CACNA1I: variants seen among roughly 807,000 people sequenced by gnomAD.
CACNA1I encodes the protein calcium voltage-gated channel subunit alpha1 I.
In CACNA1I, 74 loss-of-function variants were observed where a neutral mutation model predicts 201.6. That is an observed-to-expected ratio of 0.37 (90% CI 0.30 to 0.45). The LOEUF is 0.45. CACNA1I is among the 20% of genes least tolerant of loss of function. CACNA1I has a pLI of 1.00. For synonymous variants in CACNA1I, 1,431 were observed against 1,345.2 expected (o/e 1.06, Z -1.40); for missense variants, 2,346 against 3,138.1 (o/e 0.75, Z 6.03).
chr22:39,656,460 AC>A (rs1228762678), intron 10 of CACNA1I: 2 of 515,866 alleles, frequency 3.9e-6, no homozygotes, highest in Admixed American at 1.9e-5. Context: ...TCCCCTAGCC[AC>A]CCCCCACTTT....
intron 1 of CACNA1I, among the ~76,000 whole-genome samples, chr22:39,596,168 TGG>T (rs1219690401): frequency 3.8e-4 from 4 of 10,512 alleles, no homozygotes; most frequent in South Asian, 7.8e-3. Flanking sequence ...TGGAGAGAGA[TGG>T]GGGGGCAGGG....
Position 39,659,904 on chromosome 22 carries a change from G to A in CACNA1I, c.2604+52G>A. On this transcript the variant is annotated intron_variant, in intron 14 of 36. Coordinates refer to ENST00000402142, the MANE Select transcript of CACNA1I (RefSeq NM_021096.4). This position sits in a 1 kb window ranked among gnomAD's most constrained non-coding sequence, Gnocchi z 4.3. ...ACCCCCACAGGGTCTGCGAAAGACTGGGCGAGGGAGAGGTGGCCTGGATGG... is the reference window on the plus strand; with the variant it reads ...ACCCCCACAGGGTCTGCGAAAGACTAGGCGAGGGAGAGGTGGCCTGGATGG... 3 of 1,606,860 alleles carry A rather than the reference G, an allele frequency of 1.9e-6. No individual in the cohort carries two copies. The highest frequency in any genetic ancestry group is 2.6e-6 in the Non-Finnish European group (3 of 1,174,396).
rs1314465678 is a variant in CACNA1I at position 39,662,340 on chromosome 22, G to A, written c.3277G>A (p.Asp1093Asn). The stretch of plus-strand genomic sequence containing the variant: ...GGCAGGCCCGGCCCCCGGGCATGAG[G>A]ACTGCAATGGCAGGATGCCCAGCAT... Reference protein sequence around the residue: ...RAAGPAPGHEDCNGRMPSIAK... With the variant: ...RAAGPAPGHENCNGRMPSIAK... Residue 1093 changes from aspartate to asparagine, a missense_variant, in exon 17 of 37, where the codon GAC becomes AAC. Transcript: ENST00000402142. 6 of 1,486,832 alleles carry A rather than the reference G, an allele frequency of 4.0e-6. No homozygotes were observed. The highest frequency in any genetic ancestry group is 4.4e-6 in the Non-Finnish European group (5 of 1,126,674). The allele number at this position is 1,486,832 out of a possible 1,614,324, so 92.1% of individuals were successfully genotyped here.
intron 1 of CACNA1I, among the ~76,000 whole-genome samples, chr22:39,583,232 C>CCATA (rs1932637843): frequency 6.6e-6 from 1 of 151,916 alleles, no homozygotes; most frequent in African/African-American, 2.4e-5. Context: ...ATCCATCCAT[C>CCATA]CATCCATCCA....
chr22:39,666,009 G>T lies in CACNA1I; in HGVS notation c.4104+3G>T. The stretch of plus-strand genomic sequence containing the variant: ...ACAACTTCGACAACCTGGGCCAGGT[G>T]AGCACCACCGTCCTAGCCCTGATCA... On this transcript the variant is annotated splice_donor_region_variant and intron_variant, in intron 23 of 36. Coordinates refer to ENST00000402142, the MANE Select transcript of CACNA1I (RefSeq NM_021096.4). The surrounding 1 kb of genome is among the most constrained non-coding windows in gnomAD (Gnocchi z 4.1). The T allele has an allele frequency of 6.2e-7, 1 of 1,613,288 alleles. No homozygotes were observed. The highest frequency in any genetic ancestry group is 1.3e-5 in the African/African-American group (1 of 75,014).
At position 39,684,874 on chromosome 22, in the gene CACNA1I, G is replaced by C. The variant is rs5995768; in HGVS notation, c.6027+376G>C. The C allele has an allele frequency of 0.034, 16,283 of 473,494 alleles. 2,278 individuals are homozygous for C. The highest frequency in any genetic ancestry group is 0.29 in the African/African-American group (14,646 of 50,666). The allele number at this position is 473,494 out of a possible 1,614,324, so 29.3% of individuals were successfully genotyped here. A position where few individuals can be genotyped will look rare whatever the true frequency, so the allele number is the denominator to read the frequency against. On this transcript the variant is annotated intron_variant, in intron 36 of 36. Transcript: ENST00000402142. This position sits in a 1 kb window ranked among gnomAD's most constrained non-coding sequence, Gnocchi z 4.6. ...CTGGGTGCTCTGGGTGGGTGTGAGT[G>C]GGGGCTTGATTACTAGGAATGGAGG...
chr22:39,573,383 G>T (rs1569042300), intron 1 of CACNA1I, among the ~76,000 whole-genome samples: 1 of 152,156 alleles, frequency 6.6e-6, no homozygotes, highest in Non-Finnish European at 1.5e-5. Context: ...TGGCCTGGGA[G>T]TCTGACCCAG....
intron 11 of CACNA1I, 100 bp downstream of exon 11, chr22:39,658,403 AC>A (rs1934894297): frequency 6.4e-6 from 7 of 1,092,408 alleles, no homozygotes; most frequent in Non-Finnish European, 6.7e-6. Context: ...GGCTGTGGAA[AC>A]CCGTTGCACT....
intron 24 of CACNA1I, 148 bp downstream of exon 24, chr22:39,668,529 T>C (rs1935265245): frequency 1.6e-6 from 1 of 619,086 alleles, no homozygotes; most frequent in Admixed American, 2.5e-5. Context: ...CCTCACATCC[T>C]GGCCTGAATC....
chr22:39,678,997 G>A (rs1309288235), intron 31 of CACNA1I, 110 bp from the exon 32 acceptor site: 2 of 804,942 alleles, frequency 2.5e-6, no homozygotes, highest in Non-Finnish European at 3.8e-6. Flanking sequence ...CCATCTCGGG[G>A]GTTGAATCTC....
rs188767141 is a variant in CACNA1I at position 39,657,010 on chromosome 22, C to A, written c.1993-1142C>A. On this transcript the variant is annotated intron_variant, in intron 10 of 36. Transcript: ENST00000402142. ...CCTCGTAGGAGCCTTAGAGGAGAGG[C>A]TTGGATGAATTGGTTCCTCACTCGA... Among the ~76,000 whole-genome samples the A allele has an allele frequency of 7.0e-4, 106 of 152,236 alleles. 2 individuals are homozygous for A. Among genetic ancestry groups the A allele is most frequent in the Admixed American group, 6.5e-3 (100 of 15,298 alleles).
chr22:39,657,461 A>G (rs1053821514), intron 10 of CACNA1I, among the ~76,000 whole-genome samples: 5 of 152,134 alleles, frequency 3.3e-5, no homozygotes, highest in Non-Finnish European at 7.4e-5. Context: ...CCGTCCTTTC[A>G]TGGGGCACGA....
chr22:39,638,120 A>G (rs1934264137), intron 5 of CACNA1I, among the ~76,000 whole-genome samples: 1 of 152,198 alleles, frequency 6.6e-6, no homozygotes, highest in Non-Finnish European at 1.5e-5. Context: ...TTGTATTGTT[A>G]GTAGAGATGG....
chr22:39,609,309 T>C (rs1933313429), intron 3 of CACNA1I, among the ~76,000 whole-genome samples: 1 of 152,258 alleles, frequency 6.6e-6, no homozygotes, highest in South Asian at 2.1e-4. Context: ...GATTGGGTCC[T>C]GGTTCAGTGT....
chr22:39,622,750 C>G (rs1032109552), intron 4 of CACNA1I, among the ~76,000 whole-genome samples: 6 of 150,344 alleles, frequency 4.0e-5, no homozygotes, highest in African/African-American at 1.2e-4. Flanking sequence ...CAGTCCAGGT[C>G]CTCCTTGAGT....
chr22:39,679,339 G>A lies in CACNA1I; in HGVS notation c.5288G>A (p.Arg1763Lys). The stretch of plus-strand genomic sequence containing the variant: ...GCCCATGGCCTGGGCCCTGGCCCGA[G>A]GCTGCCTACCGGCTCCCCGGGCGCC... ...EMAHGLGPGP[R>K]LPTGSPGAPG... is the part of the protein sequence containing the mutation. The change falls in exon 32 of 37, where the codon AGG becomes AAG. Residue 1763 changes from arginine to lysine, a missense_variant. Arg to Lys is a conservative substitution (Grantham distance 26). This residue lies in a region of CACNA1I where 441 missense variants were observed against 555.6 expected (regional missense o/e 0.79). Coordinates refer to ENST00000402142, the MANE Select transcript of CACNA1I (RefSeq NM_021096.4). The A allele has an allele frequency of 6.5e-7, 1 of 1,545,950 alleles. No homozygotes were observed. Among genetic ancestry groups the A allele is most frequent in the Non-Finnish European group, 8.7e-7 (1 of 1,145,954 alleles).
At position 39,672,370 on chromosome 22, in the gene CACNA1I, T is replaced by G. The variant is rs529056680; in HGVS notation, c.4649+62T>G. 22 of 1,158,816 alleles carry G rather than the reference T, an allele frequency of 1.9e-5. No homozygotes were observed. The East Asian group carries it at 4.9e-4, about 26-fold the overall frequency. 71.8% of individuals were successfully genotyped at this position (1,158,816 alleles called of 1,614,324 possible). A position where few individuals can be genotyped will look rare whatever the true frequency, so the allele number is the denominator to read the frequency against. ...AGACTGCAGGATGAAGAAGCAGTCCTGACCCTTAGGGAAGTCTGGAGCAGC... is the reference window on the plus strand; with the variant it reads ...AGACTGCAGGATGAAGAAGCAGTCCGGACCCTTAGGGAAGTCTGGAGCAGC... On this transcript the variant is annotated intron_variant, in intron 27 of 36. Coordinates refer to ENST00000402142, the MANE Select transcript of CACNA1I (RefSeq NM_021096.4).
chr22:39,679,895 C>T (rs1379615167), intron 33 of CACNA1I, 27 bp downstream of exon 33: 2 of 1,603,756 alleles, frequency 1.2e-6, no homozygotes, highest in South Asian at 1.1e-5. Flanking sequence ...AGGCCTGGCC[C>T]CTTGTGGCAG....
At chr22:39,611,734 AAAGT>A (rs1416699391) in intron 3 of CACNA1I, among the ~76,000 whole-genome samples, 1 of 152,214 alleles carries the variant, frequency 6.6e-6, no homozygotes, top group African/African-American at 2.4e-5. Context: ...CCACTGGAGT[AAAGT>A]AACCCAAATG....
Sources: allele counts gnomAD v4.1 joint callset (sites outside exome capture counted in the v4.1 genomes callset), GRCh38; gene constraint gnomAD v4.1.1; regional missense constraint gnomAD v4.1.1; non-coding constraint Gnocchi (gnomAD v3.1); transcripts MANE v1.5; gene names NCBI Gene and HGNC (gene_info 2026-07-23, HGNC 2026-07-21).